TBC1D19: variants seen among roughly 807,000 people sequenced by gnomAD.
TBC1D19 encodes the protein TBC1 domain family member 19.
In TBC1D19, 60 loss-of-function variants were observed where a neutral mutation model predicts 89.0. The ratio of observed to expected loss-of-function variants is 0.67; its 90% CI spans 0.55 to 0.84. TBC1D19 has a LOEUF of 0.84. TBC1D19 is among the 40% of genes least tolerant of loss of function. TBC1D19 has a pLI of 0.00. For missense variants in TBC1D19, 500 were observed against 610.8 expected (o/e 0.82, Z 1.91); for synonymous variants, 189 against 199.7 (o/e 0.95, Z 0.45).
chr4:26,848,347 G>T, the TBC1D19 span, among the ~76,000 whole-genome samples: 1 of 152,128 alleles, frequency 6.6e-6, no homozygotes, highest in African/African-American at 2.4e-5. Flanking sequence ...ACAGACTATG[G>T]GTTTTAGCTT....
chr4:26,653,618 C>T (rs1454710089), intron 7 of TBC1D19, among the ~76,000 whole-genome samples: 1 of 152,086 alleles, frequency 6.6e-6, no homozygotes, highest in Non-Finnish European at 1.5e-5. Context: ...ATCCCTTTAC[C>T]ATTATGTAAT....
chr4:26,822,947 T>C, the TBC1D19 span, among the ~76,000 whole-genome samples: 1 of 152,176 alleles, frequency 6.6e-6, no homozygotes, highest in African/African-American at 2.4e-5. Flanking sequence ...CCACTCTCAA[T>C]AGTGGTCCAG....
rs763229488 is a variant in TBC1D19 at position 26,614,450 on chromosome 4, G to C, written c.215G>C (p.Ser72Thr). ...CAGAATGCTGTTTATAGTGAACTGA[G>C]TGTGTGAGTTTTCCCACCTATTTTA... is the stretch of plus-strand genomic sequence containing the variant. ...KLQNAVYSEL[S>T]VFPLPSHPAA... The change falls in exon 3 of 21, where the codon AGT (serine) becomes ACT (threonine). Residue 72 changes from serine (S) to threonine (T), a missense_variant. Around this residue, in one of 2 missense-constraint regions of TBC1D19, gnomAD observed 280 missense variants for 291.7 expected, o/e 0.96. Transcript: ENST00000264866. 7 of 1,585,296 alleles carry C rather than the reference G, an allele frequency of 4.4e-6. No individual in the cohort carries two copies. The highest frequency in any genetic ancestry group is 6.0e-6 in the Non-Finnish European group (7 of 1,167,044).
the TBC1D19 span, among the ~76,000 whole-genome samples, chr4:26,801,736 C>A: frequency 6.6e-6 from 1 of 151,932 alleles, no homozygotes; most frequent in Non-Finnish European, 1.5e-5. Context: ...GGATAAGTAC[C>A]AAGACAGAAA....
chr4:26,718,058 TA>T, intron 14 of TBC1D19, 41 bp downstream of exon 14: 3 of 1,438,664 alleles, frequency 2.1e-6, no homozygotes, highest in Non-Finnish European at 2.9e-6. Context: ...AAGACTTACA[TA>T]ATCATGCCAA....
At chr4:26,807,970 G>A in the TBC1D19 span, among the ~76,000 whole-genome samples, 1 of 152,160 alleles carries the variant, frequency 6.6e-6, no homozygotes, top group East Asian at 1.9e-4. Context: ...AATGAAGCGA[G>A]GTTACCTAGT....
the TBC1D19 span, among the ~76,000 whole-genome samples, chr4:26,786,590 G>T: frequency 6.6e-6 from 1 of 152,184 alleles, no homozygotes; most frequent in Admixed American, 6.5e-5. Context: ...ACATCGGGGG[G>T]TGGTGCTGCA....
chr4:26,610,746 C>G (rs1166783868), intron 1 of TBC1D19, among the ~76,000 whole-genome samples: 1 of 151,908 alleles, frequency 6.6e-6, no homozygotes, highest in Non-Finnish European at 1.5e-5. Context: ...GGATAATGGT[C>G]TCCAGCTTAA....
chr4:26,827,721 T>TG, the TBC1D19 span, among the ~76,000 whole-genome samples: 25 of 151,258 alleles, frequency 1.7e-4, no homozygotes, highest in South Asian at 4.2e-4. Flanking sequence ...TGTTTTGTTT[T>TG]TTTTTTTTTG....
At chr4:26,842,583 C>CCTTCCTTCCTTTTT in the TBC1D19 span, among the ~76,000 whole-genome samples, 1 of 70,538 alleles carries the variant, frequency 1.4e-5, no homozygotes, top group Non-Finnish European at 2.9e-5. Context: ...TTCCTCCCTC[C>CCTTCCTTCCTTTTT]CTTTCTTTCT....
chr4:26,654,584 C>T (rs1744657261), intron 7 of TBC1D19, among the ~76,000 whole-genome samples: 1 of 152,058 alleles, frequency 6.6e-6, no homozygotes, highest in Non-Finnish European at 1.5e-5. Flanking sequence ...TCTTTTCATT[C>T]TTTTTTCTCT....
chr4:26,776,110 C>G, the TBC1D19 span, among the ~76,000 whole-genome samples: 4 of 152,150 alleles, frequency 2.6e-5, no homozygotes, highest in Non-Finnish European at 4.4e-5. Context: ...AGTCAATTCT[C>G]AAAGAAGTCA....
At chr4:26,822,724 G>A in the TBC1D19 span, among the ~76,000 whole-genome samples, 8 of 152,148 alleles carry the variant, frequency 5.3e-5, no homozygotes, top group Admixed American at 1.3e-4. Flanking sequence ...AAGTACATTA[G>A]CTACAGTCAA....
At chr4:26,799,038 AAT>A in the TBC1D19 span, among the ~76,000 whole-genome samples, 1 of 152,218 alleles carries the variant, frequency 6.6e-6, no homozygotes, top group Non-Finnish European at 1.5e-5. Context: ...ATGAAATAAA[AAT>A]AAAGAGGAAA....
chr4:26,761,972 C>T, the TBC1D19 span, among the ~76,000 whole-genome samples: 1 of 151,170 alleles, frequency 6.6e-6, no homozygotes, highest in African/African-American at 2.4e-5. Flanking sequence ...ACTAAAAGTA[C>T]AAAAAAAAGA....
the TBC1D19 span, among the ~76,000 whole-genome samples, chr4:26,834,315 C>T: frequency 2.0e-4 from 30 of 152,300 alleles, no homozygotes; most frequent in Admixed American, 2.0e-3. Context: ...CATGTGTGTG[C>T]TCTATGATAA....
At chr4:26,635,928 T>G (rs1171215992) in intron 4 of TBC1D19, among the ~76,000 whole-genome samples, 1 of 152,134 alleles carries the variant, frequency 6.6e-6, no homozygotes, top group Non-Finnish European at 1.5e-5. Context: ...AGATAAAGAC[T>G]AATGTATTTG....
intron 13 of TBC1D19, among the ~76,000 whole-genome samples, chr4:26,710,668 T>G (rs748171415): frequency 1.1e-4 from 17 of 151,546 alleles, no homozygotes; most frequent in Non-Finnish European, 2.4e-4. Flanking sequence ...ACTGTTCCTA[T>G]CTCCACATCC....
chr4:26,625,856 C>T (rs1047149830), intron 4 of TBC1D19, among the ~76,000 whole-genome samples: 2 of 152,034 alleles, frequency 1.3e-5, no homozygotes, highest in African/African-American at 2.4e-5. Flanking sequence ...CATGATTTAT[C>T]GCTGTAGGTG....
Sources: gnomAD v4.1 joint callset for allele counts (sites outside exome capture counted in the v4.1 genomes callset) on GRCh38, gnomAD v4.1.1 for gene constraint, gnomAD v4.1.1 regional missense constraint, MANE v1.5 for transcripts, NCBI Gene and HGNC (gene_info 2026-07-23, HGNC 2026-07-21) for gene names.